NIT2: variants seen among roughly 807,000 people sequenced by gnomAD.
NIT2 encodes the protein nitrilase family member 2.
In NIT2, 46 loss-of-function variants were observed where a neutral mutation model predicts 42.7. The observed-to-expected ratio is 1.08, with a 90% confidence interval of 0.85 to 1.38. The LOEUF is 1.38. Among genes scored for constraint, NIT2 ranks in the 40% most tolerant of loss-of-function variants. NIT2 has a pLI of 0.00. For missense variants in NIT2, 309 were observed against 342.5 expected (o/e 0.90, Z 0.77); for synonymous variants, 123 against 121.9 (o/e 1.01, Z -0.06).
chr3:100,355,033 C>A, intron 9 of NIT2, 144 bp from the exon 10 acceptor site: 2 of 722,642 alleles, frequency 2.8e-6, no homozygotes, highest in Non-Finnish European at 4.7e-6. Context: ...TGAAATGATG[C>A]CAGGCCATCT....
intron 8 of NIT2, among the ~76,000 whole-genome samples, chr3:100,352,795 C>T (rs1181283937): frequency 1.3e-5 from 2 of 152,200 alleles, no homozygotes; most frequent in Non-Finnish European, 2.9e-5. Context: ...AACAAGGCAG[C>T]AGTGACAGGC....
intron 7 of NIT2, among the ~76,000 whole-genome samples, chr3:100,351,759 G>T (rs1212644297): frequency 6.6e-6 from 1 of 152,094 alleles, no homozygotes; most frequent in Non-Finnish European, 1.5e-5. Context: ...TGACAAATGG[G>T]ATCTAATTAA....
intron 8 of NIT2, 134 bp from the exon 9 acceptor site, chr3:100,354,638 A>G: frequency 1.8e-6 from 1 of 559,182 alleles, no homozygotes. Flanking sequence ...TAGAACATAA[A>G]TCTGTACGAC....
intron 4 of NIT2, among the ~76,000 whole-genome samples, chr3:100,342,249 T>A (rs1406109144): frequency 6.6e-6 from 1 of 152,208 alleles, no homozygotes; most frequent in Non-Finnish European, 1.5e-5. Context: ...TCTCAAGCTA[T>A]ATGTGTTTTT....
At position 100,357,240 on chromosome 3, in the gene NIT2, T is replaced by TCTATC. The variant is rs1706332269; in HGVS notation, c.*1976_*1980dup. On this transcript the variant is annotated 3_prime_UTR_variant, in exon 10 of 10. Transcript: ENST00000394140. ...ACCCTAGACTATAGTACCACTGCTCTCTATCCTAGCAGGCACACTGAAAGT... is the reference window on the plus strand; with the variant it reads ...ACCCTAGACTATAGTACCACTGCTCTCTATCCTATCCTAGCAGGCACACTGAAAGT... The TCTATC allele has an allele frequency of 6.6e-6, 1 of 152,216 alleles. No individual in the cohort carries two copies. The highest frequency in any genetic ancestry group is 1.5e-5 in the Non-Finnish European group (1 of 68,032). 9.4% of individuals were successfully genotyped at this position (152,216 alleles called of 1,614,324 possible).
At chr3:100,338,049 C>T (rs144791580) in intron 1 of NIT2, among the ~76,000 whole-genome samples, 2,605 of 152,116 alleles carry the variant, frequency 0.017, 76 homozygotes, top group African/African-American at 0.06. Flanking sequence ...CCAGCCTAGG[C>T]GACAGAACAA....
At chr3:100,339,695 C>T in intron 2 of NIT2, 120 bp from the exon 3 acceptor site, 1 of 923,572 alleles carries the variant, frequency 1.1e-6, no homozygotes. Flanking sequence ...TTCTTATTAG[C>T]TGTGTTTTAA....
intron 2 of NIT2, 53 bp downstream of exon 2, chr3:100,339,258 G>A (rs166747): frequency 0.09 from 101,915 of 1,130,036 alleles, 12,579 homozygotes; most frequent in East Asian, 0.46. Flanking sequence ...CAAGCAGAAC[G>A]GTGTTTGCTA....
intron 8 of NIT2, among the ~76,000 whole-genome samples, chr3:100,353,344 T>A (rs1043948789): frequency 3.9e-5 from 6 of 152,192 alleles, no homozygotes; most frequent in Non-Finnish European, 8.8e-5. Flanking sequence ...GAGTTAAATG[T>A]TACTGTGGGG....
At chr3:100,337,710 C>T (rs1262972959) in intron 1 of NIT2, among the ~76,000 whole-genome samples, 1 of 152,144 alleles carries the variant, frequency 6.6e-6, no homozygotes. Flanking sequence ...GCCTTGGCCT[C>T]CCAAAGTGCT....
intron 4 of NIT2, among the ~76,000 whole-genome samples, chr3:100,345,317 C>G (rs1243790240): frequency 1.1e-4 from 17 of 152,120 alleles, no homozygotes; most frequent in Admixed American, 1.1e-3. Flanking sequence ...TATTAGTTAC[C>G]TCCCATGAGA....
rs368442295 is a variant in NIT2, at chr3:100,339,913, A to G, written c.225A>G (p.Glu75=). 4 of 1,613,604 alleles carry G rather than the reference A, an allele frequency of 2.5e-6. No individual in the cohort carries two copies. Among genetic ancestry groups the G allele is most frequent in the Non-Finnish European group, 3.4e-6 (4 of 1,179,726 alleles). ...STQKLSEVAK[E]CSIYLIGGSI... is the part of the protein sequence containing the mutation. ...AGAAGCTTTCTGAAGTAGCAAAGGA[A>G]TGCAGCATATATCTCATTGGAGGTA... is the stretch of plus-strand genomic sequence containing the variant. The change falls in exon 3 of 10, where the codon GAA becomes GAG. Residue 75 remains glutamate (E), a synonymous_variant. Coordinates refer to ENST00000394140, the MANE Select transcript of NIT2 (RefSeq NM_020202.5).
chr3:100,334,857 C>T (rs746627726), intron 1 of NIT2, 59 bp downstream of exon 1: 2 of 1,280,036 alleles, frequency 1.6e-6, no homozygotes, highest in Admixed American at 3.3e-5. Flanking sequence ...GGCTTTGGAG[C>T]GGCGCCGGCG....
At chr3:100,349,169 A>C (rs1274649948) in intron 7 of NIT2, 1 of 271,748 alleles carries the variant, frequency 3.7e-6, no homozygotes, top group East Asian at 9.2e-5. Flanking sequence ...GCTGGAGTGC[A>C]GTGGTGTAAT....
At chr3:100,340,178 C>A (rs1400617070) in intron 3 of NIT2, among the ~76,000 whole-genome samples, 1 of 152,170 alleles carries the variant, frequency 6.6e-6, no homozygotes, top group Admixed American at 6.5e-5. Context: ...TCAAGTGATT[C>A]TCCCACCTCC....
At chr3:100,335,603 T>C (rs936485711) in intron 1 of NIT2, among the ~76,000 whole-genome samples, 1 of 152,218 alleles carries the variant, frequency 6.6e-6, no homozygotes, top group South Asian at 2.1e-4. Flanking sequence ...ATTTGCAGAA[T>C]GATAGGCAGT....
intron 4 of NIT2, among the ~76,000 whole-genome samples, chr3:100,345,064 C>T (rs1706199796): frequency 6.6e-6 from 1 of 151,800 alleles, no homozygotes; most frequent in Admixed American, 6.6e-5. Flanking sequence ...GAGCAATTCT[C>T]CTGCCTCAGC....
At chr3:100,352,564 G>A in intron 8 of NIT2, 62 bp downstream of exon 8, 2 of 1,298,064 alleles carry the variant, frequency 1.5e-6, no homozygotes, top group Non-Finnish European at 2.2e-6. Context: ...TGGCTCGTTG[G>A]CAGATGGGTT....
In NIT2 at chr3:100,353,635, G is replaced by A. The variant is rs143932736; in HGVS notation, c.683+1133G>A. 8.7e-4 allele frequency among the ~76,000 whole-genome samples: 132 copies of A among 152,288 alleles called. 3 individuals carry two copies. The highest frequency in any genetic ancestry group is 3.0e-3 in the African/African-American group (123 of 41,564). ...GTGCTTGTATTTGTAACTCATTTGTGCCAAAAGTCTGTCTGTGGCTATCTG... is the reference window on the plus strand; with the variant it reads ...GTGCTTGTATTTGTAACTCATTTGTACCAAAAGTCTGTCTGTGGCTATCTG... On this transcript the variant is annotated intron_variant, in intron 8 of 9. Transcript: ENST00000394140.
Sources: allele counts gnomAD v4.1 joint callset (sites outside exome capture counted in the v4.1 genomes callset), GRCh38; gene constraint gnomAD v4.1.1; transcripts MANE v1.5; gene names NCBI Gene and HGNC (gene_info 2026-07-23, HGNC 2026-07-21).